The following ADAT2 variants were observed in gnomAD, a reference collection of about 807,000 sequenced individuals.
The protein encoded by ADAT2 is tRNA-specific adenosine-34 deaminase catalytic subunit ADAT2.
Under a neutral mutation model 25.9 loss-of-function variants are expected in ADAT2, and 26 were observed. The observed-to-expected ratio is 1.00, with a 90% CI of 0.74 to 1.39. The LOEUF (loss-of-function observed/expected upper bound fraction) is 1.39. ADAT2 is among the 40% of genes most tolerant of loss of function. The probability of loss-of-function intolerance (pLI) is 0.00; values close to 1 mark genes in which losing one functional copy is unlikely to be tolerated. For missense variants in ADAT2, 220 were observed against 244.8 expected (o/e 0.90, Z 0.68); for synonymous variants, 76 against 86.8 (o/e 0.88, Z 0.69).
chr6:143,429,196 A>C (rs772161797), intron 4 of ADAT2, among the ~76,000 whole-genome samples: 1 of 152,226 alleles, frequency 6.6e-6, no homozygotes, highest in Non-Finnish European at 1.5e-5. Context: ...AATCTGTTCC[A>C]TAGCTGAGAA....
Position 143,425,028 on chromosome 6 carries a change from C to G in ADAT2, c.*3435G>C, listed in dbSNP as rs545620177. 21 of 152,188 alleles carry G rather than the reference C, an allele frequency of 1.4e-4. No individual in the cohort carries two copies. Among genetic ancestry groups the G allele is most frequent in the African/African-American group, 4.8e-4 (20 of 41,504 alleles). The allele number at this position is 152,188 out of a possible 1,614,324, so 9.4% of individuals were successfully genotyped here. A position where few individuals can be genotyped will look rare whatever the true frequency, so the allele number is the denominator to read the frequency against. On this transcript the variant is annotated 3_prime_UTR_variant, in exon 6 of 6. Coordinates refer to ENST00000237283, the MANE Select transcript of ADAT2 (RefSeq NM_182503.3). ...CTTTGTGTGCCTCCAGATGTGATAT[C>G]CTGTGAGGAACTTAACATCAACCAG...
chr6:143,437,683 C>A lies in ADAT2; in HGVS notation c.201+907G>T, dbSNP rs557749214. The stretch of plus-strand genomic sequence containing the variant: ...GGATTCCTATTTTACATGTGTTTTG[C>A]TAAATATCAGTTTTCTTTTCAATAG... On this transcript the variant is annotated intron_variant, in intron 2 of 5. Transcript: ENST00000237283. This position sits in a 1 kb window ranked among gnomAD's most constrained non-coding sequence, Gnocchi z 4.1. Among the ~76,000 whole-genome samples the A allele has an allele frequency of 6.6e-6, 1 of 152,118 alleles. No individual in the cohort carries two copies. The highest frequency in any genetic ancestry group is 2.4e-5 in the African/African-American group (1 of 41,508).
chr6:143,443,019 G>C (rs1434283696), intron 1 of ADAT2, among the ~76,000 whole-genome samples: 1 of 152,102 alleles, frequency 6.6e-6, no homozygotes, highest in Non-Finnish European at 1.5e-5. Flanking sequence ...GAACATAAGA[G>C]CTTACAATTT....
At position 143,436,443 on chromosome 6, in the gene ADAT2, A is replaced by C; in HGVS notation, c.201+2147T>G. ...GGAAAACAGCTTTCTGGGACATCCC[A>C]TCCGCAGGACTAAAAACGTCCACCA... On this transcript the variant is annotated intron_variant, in intron 2 of 5. Coordinates refer to ENST00000237283, the MANE Select transcript of ADAT2 (RefSeq NM_182503.3). The surrounding 1 kb of genome is among the most constrained non-coding windows in gnomAD (Gnocchi z 4.1). The C allele has an allele frequency of 3.7e-6, 1 of 268,794 alleles. No individual in the cohort carries two copies. The highest frequency in any genetic ancestry group is 9.9e-5 in the East Asian group (1 of 10,080). 16.7% of individuals were successfully genotyped at this position (268,794 alleles called of 1,614,324 possible).
rs6921706 is a variant in ADAT2 at position 143,424,131 on chromosome 6, T to C, written c.*4332A>G. On this transcript the variant is annotated 3_prime_UTR_variant, in exon 6 of 6. Coordinates refer to ENST00000237283, the MANE Select transcript of ADAT2 (RefSeq NM_182503.3). This position sits in a 1 kb window ranked among gnomAD's most constrained non-coding sequence, Gnocchi z 4.8. ...CTTTCAGCAGAACTCACCAGTCTAA[T>C]CCATAAAAATCACGTCGCCCATCGC... 0.28 allele frequency: 42,715 copies of C among 152,098 alleles called. 6,253 individuals are homozygous for C. The highest frequency in any genetic ancestry group is 0.32 in the Admixed American group (4,869 of 15,280). The allele number at this position is 152,098 out of a possible 1,614,324, so 9.4% of individuals were successfully genotyped here.
chr6:143,429,488 A>G (rs1429881178), intron 4 of ADAT2, among the ~76,000 whole-genome samples: 1 of 152,240 alleles, frequency 6.6e-6, no homozygotes, highest in Non-Finnish European at 1.5e-5. Flanking sequence ...CCTGAAGAAC[A>G]TGAAACTTGA....
At chr6:143,431,004 G>A (rs964937255) in intron 4 of ADAT2, among the ~76,000 whole-genome samples, 1 of 152,160 alleles carries the variant, frequency 6.6e-6, no homozygotes, top group African/African-American at 2.4e-5. Flanking sequence ...TCTGCAGTAA[G>A]AAACAGTATC....
At position 143,437,112 on chromosome 6, in the gene ADAT2, A is replaced by G. The variant is rs573214506; in HGVS notation, c.201+1478T>C. 6.6e-6 allele frequency among the ~76,000 whole-genome samples: 1 copy of G among 152,298 alleles called. No individual in the cohort carries two copies. Among genetic ancestry groups the G allele is most frequent in the South Asian group, 2.1e-4 (1 of 4,832 alleles). On this transcript the variant is annotated intron_variant, in intron 2 of 5. Transcript: ENST00000237283. This position sits in a 1 kb window ranked among gnomAD's most constrained non-coding sequence, Gnocchi z 4.1. ...CTGACATATTAACTACAGATTTTCTATGCAGTGAACATGGTTATATATAAA... is the reference window on the plus strand; with the variant it reads ...CTGACATATTAACTACAGATTTTCTGTGCAGTGAACATGGTTATATATAAA...
intron 1 of ADAT2, among the ~76,000 whole-genome samples, chr6:143,443,212 T>C (rs1779512035): frequency 6.6e-6 from 1 of 152,102 alleles, no homozygotes; most frequent in African/African-American, 2.4e-5. Context: ...GACTAGGGCA[T>C]AGACAACCTG....
In ADAT2 at chr6:143,446,995, A is replaced by C. The variant is rs1779619459; in HGVS notation, c.96+3568T>G. Among the ~76,000 whole-genome samples the C allele has an allele frequency of 6.6e-6, 1 of 152,224 alleles. No homozygotes were observed. The highest frequency in any genetic ancestry group is 1.9e-4 in the East Asian group (1 of 5,198). ...TATGCTGAACATGTTATGATGATTA[A>C]AATGATAACCTATGATGATGCTATG... On this transcript the variant is annotated intron_variant, in intron 1 of 5. Transcript: ENST00000237283. This position sits in a 1 kb window ranked among gnomAD's most constrained non-coding sequence, Gnocchi z 5.0.
rs1562637647 is a variant in ADAT2, at chr6:143,432,505, C to G, written c.459G>C (p.Gln153His). The change falls in exon 4 of 6, where the codon CAG becomes CAC. Residue 153 changes from glutamine to histidine, a missense_variant and splice_region_variant. Gln to His is a conservative substitution (Grantham distance 24). Coordinates refer to ENST00000237283, the MANE Select transcript of ADAT2 (RefSeq NM_182503.3). The surrounding 1 kb of genome is among the most constrained non-coding windows in gnomAD (Gnocchi z 4.4). ...ADLPNTGRPF[Q>H]CIPGYRAEEA... ...AAAAAGCATAAGCAGTTTGTATTACCTGAAATGGTCTCCCAGTGTTTGGTA... is the reference window on the plus strand; with the variant it reads ...AAAAAGCATAAGCAGTTTGTATTACGTGAAATGGTCTCCCAGTGTTTGGTA... The G allele has an allele frequency of 6.2e-7, 1 of 1,613,284 alleles. No individual in the cohort carries two copies. Among genetic ancestry groups the G allele is most frequent in the Non-Finnish European group, 8.5e-7 (1 of 1,179,238 alleles).
chr6:143,439,367 G>GAAGA lies in ADAT2; in HGVS notation c.97-677_97-674dup, dbSNP rs1416599400. 1.5e-4 allele frequency among the ~76,000 whole-genome samples: 17 copies of GAAGA among 113,548 alleles called. 1 individual carries two copies. Among genetic ancestry groups the GAAGA allele is most frequent in the Admixed American group, 1.1e-3 (13 of 11,556 alleles). 74.5% of individuals were successfully genotyped at this position (113,548 alleles called of 152,430 possible). ...TCTACAAAAAAAAAAAAAAAAAGAA[G>GAAGA]AAGAAAGAAAGTTTGAAAAAGAACC... is the stretch of plus-strand genomic sequence containing the variant. On this transcript the variant is annotated intron_variant, in intron 1 of 5. Coordinates refer to ENST00000237283, the MANE Select transcript of ADAT2 (RefSeq NM_182503.3).
intron 4 of ADAT2, among the ~76,000 whole-genome samples, chr6:143,431,234 T>G (rs1779108011): frequency 6.6e-6 from 1 of 152,232 alleles, no homozygotes; most frequent in African/African-American, 2.4e-5. Context: ...AATGAACTTG[T>G]TTTGGTTCTG....
chr6:143,447,884 T>A (rs1174766691), intron 1 of ADAT2, among the ~76,000 whole-genome samples: 1 of 152,144 alleles, frequency 6.6e-6, no homozygotes, highest in African/African-American at 2.4e-5. Flanking sequence ...GACCCAGCCA[T>A]CCCATTACTG....
At chr6:143,441,664 C>A (rs1041127018) in intron 1 of ADAT2, 1 of 152,160 alleles carries the variant, frequency 6.6e-6, no homozygotes, top group Non-Finnish European at 1.5e-5. Flanking sequence ...TCCCACCAGG[C>A]CCTGCTACTA....
In ADAT2 at chr6:143,442,473, G is replaced by GCATA. The variant is rs1554279347; in HGVS notation, c.97-3783_97-3780dup. ...AAACATGACAAAATTGCATAGGCAC[G>GCATA]CATACACACACACACACACACACAC... On this transcript the variant is annotated intron_variant, in intron 1 of 5. Coordinates refer to ENST00000237283, the MANE Select transcript of ADAT2 (RefSeq NM_182503.3). This position sits in a 1 kb window ranked among gnomAD's most constrained non-coding sequence, Gnocchi z 4.6. Among the ~76,000 whole-genome samples the GCATA allele has an allele frequency of 2.7e-5, 2 of 75,052 alleles. No individual in the cohort carries two copies. Among genetic ancestry groups the GCATA allele is most frequent in the South Asian group, 3.4e-4 (1 of 2,958 alleles). The allele number at this position is 75,052 out of a possible 152,430, so 49.2% of individuals were successfully genotyped here.
In ADAT2 at chr6:143,432,975, A is replaced by C. The variant is rs4896656; in HGVS notation, c.353-364T>G. On this transcript the variant is annotated intron_variant, in intron 3 of 5. Coordinates refer to ENST00000237283, the MANE Select transcript of ADAT2 (RefSeq NM_182503.3). The surrounding 1 kb of genome is among the most constrained non-coding windows in gnomAD (Gnocchi z 4.4). ...AGGGATTTTCACCTTTTAGAAATAA[A>C]AGATTCTTCCCTGTTCTTGCCCCAA... 0.52 allele frequency among the ~76,000 whole-genome samples: 79,698 copies of C among 151,940 alleles called. 21,300 individuals carry two copies. The highest frequency in any genetic ancestry group is 0.56 in the African/African-American group (23,077 of 41,378).
Position 143,450,548 on chromosome 6 carries a change from T to A in ADAT2, c.96+15A>T. ...AAGGTCCCACCCCGCAGCATCTACC[T>A]CCCGGGCTCCTCACCATGTGCATCG... is the stretch of plus-strand genomic sequence containing the variant. On this transcript the variant is annotated intron_variant, in intron 1 of 5. Transcript: ENST00000237283. 6.2e-7 allele frequency: 1 copy of A among 1,613,868 alleles called. No homozygotes were observed. Among genetic ancestry groups the A allele is most frequent in the Non-Finnish European group, 8.5e-7 (1 of 1,179,898 alleles).
At chr6:143,449,931 C>T (rs2128744596) in intron 1 of ADAT2, 1 of 152,306 alleles carries the variant, frequency 6.6e-6, no homozygotes, top group East Asian at 1.9e-4. Flanking sequence ...AGGATAACGA[C>T]CTTTACCGAC....
Sources: allele counts gnomAD v4.1 joint callset (sites outside exome capture counted in the v4.1 genomes callset), GRCh38; gene constraint gnomAD v4.1.1; non-coding constraint Gnocchi (gnomAD v3.1); transcripts MANE v1.5; gene names NCBI Gene and HGNC (gene_info 2026-07-23, HGNC 2026-07-21).